Variants in KIRREL1 observed in about 807,000 individuals in gnomAD.
KIRREL1 encodes the protein kirre like nephrin family adhesion molecule 1, also known as kin of IRRE-like protein 1.
KIRREL1 carries 25 observed loss-of-function variants against 83.3 expected under a neutral mutation model. The ratio of observed to expected loss-of-function variants is 0.30; its 90% CI spans 0.22 to 0.42. The LOEUF is 0.42. Among genes scored for constraint, KIRREL1 ranks in the 10% least tolerant of loss-of-function variants. KIRREL1 has a pLI of 1.00. For synonymous variants in KIRREL1, 388 were observed against 410.4 expected, an observed-to-expected ratio of 0.95 and a Z score of 0.66; for missense variants, 812 against 1,032.3, an observed-to-expected ratio of 0.79 and a Z score of 2.92.
intron 1 of KIRREL1, among the ~76,000 whole-genome samples, chr1:157,999,508 G>A (rs1358882892): frequency 6.6e-6 from 1 of 152,192 alleles, no homozygotes; most frequent in Non-Finnish European, 1.5e-5. Flanking sequence ...AGGGGTGGCA[G>A]TTGGTATGGA....
intron 1 of KIRREL1, among the ~76,000 whole-genome samples, chr1:158,010,879 TAAG>T (rs1659668460): frequency 6.6e-6 from 1 of 152,080 alleles, no homozygotes; most frequent in Non-Finnish European, 1.5e-5. Context: ...GGAGAAATTA[TAAG>T]AAGGGAAGGG....
intron 3 of KIRREL1, among the ~76,000 whole-genome samples, chr1:158,083,748 T>C (rs1661936458): frequency 6.6e-6 from 1 of 152,158 alleles, no homozygotes; most frequent in Non-Finnish European, 1.5e-5. Context: ...CTCCCAAGAC[T>C]ATGAGCTGTA....
intron 1 of KIRREL1, among the ~76,000 whole-genome samples, chr1:158,004,062 C>A (rs1375327946): frequency 6.6e-6 from 1 of 152,204 alleles, no homozygotes; most frequent in Non-Finnish European, 1.5e-5. Flanking sequence ...GTGGCAGAGT[C>A]AGCCTCTTTC....
chr1:158,053,195 G>A (rs1013245035), intron 1 of KIRREL1, among the ~76,000 whole-genome samples: 7 of 152,114 alleles, frequency 4.6e-5, no homozygotes, highest in Non-Finnish European at 2.9e-5. Flanking sequence ...TCACCTCTAC[G>A]TTCCTTGAGA....
chr1:158,090,859 T>C (rs939298941), intron 10 of KIRREL1, among the ~76,000 whole-genome samples: 1 of 152,160 alleles, frequency 6.6e-6, no homozygotes, highest in African/African-American at 2.4e-5. Context: ...GTTCTGTCAT[T>C]GTATAGATGA....
chr1:158,077,307 G>T (rs1661706968), intron 2 of KIRREL1, among the ~76,000 whole-genome samples: 1 of 152,156 alleles, frequency 6.6e-6, no homozygotes, highest in Non-Finnish European at 1.5e-5. Context: ...GGGAGAGAGA[G>T]TGAGATCAAT....
At chr1:158,040,453 G>A (rs1217951132) in intron 1 of KIRREL1, among the ~76,000 whole-genome samples, 1 of 152,214 alleles carries the variant, frequency 6.6e-6, no homozygotes. Flanking sequence ...CTCCAGCAAA[G>A]GTTTGATGGA....
chr1:158,077,964 T>G lies in KIRREL1; in HGVS notation c.203-27T>G, dbSNP rs753063809. On this transcript the variant is annotated intron_variant, in intron 2 of 14. Transcript: ENST00000359209. ...TGAGGATGTGTCCTTGTTTCAAGGT[T>G]GGGCCTCATTCTTTCTGTTTCTGCA... is the stretch of plus-strand genomic sequence containing the variant. The G allele has an allele frequency of 2.5e-5, 41 of 1,612,460 alleles. 1 individual carries two copies. Among genetic ancestry groups the G allele is most frequent in the South Asian group, 1.6e-4 (15 of 91,038 alleles).
intron 1 of KIRREL1, among the ~76,000 whole-genome samples, chr1:158,047,545 T>C (rs1660807474): frequency 1.3e-5 from 2 of 152,308 alleles, no homozygotes; most frequent in South Asian, 2.1e-4. Flanking sequence ...GGCTAGGCCA[T>C]GTAGATGCAG....
intron 1 of KIRREL1, among the ~76,000 whole-genome samples, chr1:158,042,512 C>T (rs1303436850): frequency 2.0e-5 from 3 of 152,120 alleles, no homozygotes; most frequent in Admixed American, 2.0e-4. Context: ...CCAGTCCCTC[C>T]CTTGCAGAGC....
intron 1 of KIRREL1, among the ~76,000 whole-genome samples, chr1:158,021,092 C>T (rs1363209417): frequency 6.6e-6 from 1 of 151,970 alleles, no homozygotes; most frequent in Non-Finnish European, 1.5e-5. Flanking sequence ...TAAAAATGGC[C>T]AATGTGGGCT....
chr1:158,029,366 T>TGTGTGTGTGCGCGC (rs1553238087), intron 1 of KIRREL1, among the ~76,000 whole-genome samples: 271 of 149,004 alleles, frequency 1.8e-3, no homozygotes, highest in African/African-American at 6.3e-3. Flanking sequence ...TGTGTGTGTG[T>TGTGTGTGTGCGCGC]GCACGTGCGC....
Position 158,076,112 on chromosome 1 carries a change from G to A in KIRREL1, c.53-1G>A. The A allele has an allele frequency of 6.2e-7, 1 of 1,613,492 alleles. No individual in the cohort carries two copies. Among genetic ancestry groups the A allele is most frequent in the Non-Finnish European group, 8.5e-7 (1 of 1,179,756 alleles). On this transcript the variant is annotated splice_acceptor_variant, in intron 1 of 14. Coordinates refer to ENST00000359209, the MANE Select transcript of KIRREL1 (RefSeq NM_018240.7). LOFTEE classifies it high-confidence loss of function. ...ACCCAGTGCTGGCTTTGGCTTTGCA[G>A]GGACCCAGACCCGCTTCAGCCAGGA...
chr1:158,071,323 G>A (rs879261116), intron 1 of KIRREL1, among the ~76,000 whole-genome samples: 2 of 152,104 alleles, frequency 1.3e-5, no homozygotes, highest in Non-Finnish European at 2.9e-5. Flanking sequence ...CGTTGTCTAC[G>A]CCTCTGTCAG....
intron 1 of KIRREL1, among the ~76,000 whole-genome samples, chr1:158,021,815 G>C (rs943677567): frequency 1.3e-5 from 2 of 152,116 alleles, no homozygotes; most frequent in Non-Finnish European, 1.5e-5. Context: ...AAAGAAAATT[G>C]TGCCTATACT....
intron 1 of KIRREL1, among the ~76,000 whole-genome samples, chr1:158,010,114 A>G (rs564573687): frequency 6.6e-6 from 1 of 152,172 alleles, no homozygotes; most frequent in Admixed American, 6.5e-5. Context: ...ATCCGGTAAG[A>G]GTTCATGAAA....
chr1:158,084,209 A>C (rs1431604392), intron 3 of KIRREL1, among the ~76,000 whole-genome samples: 1 of 152,190 alleles, frequency 6.6e-6, no homozygotes, highest in East Asian at 1.9e-4. Context: ...AAAGAAAAGC[A>C]GACAAGGACT....
intron 1 of KIRREL1, among the ~76,000 whole-genome samples, chr1:158,038,734 G>A (rs1660543194): frequency 1.3e-5 from 2 of 152,100 alleles, no homozygotes; most frequent in Non-Finnish European, 2.9e-5. Flanking sequence ...GGTTCCAAAG[G>A]GTCTGAGGAG....
chr1:158,089,326 C>A, intron 8 of KIRREL1, 176 bp from the exon 9 acceptor site: 1 of 886,500 alleles, frequency 1.1e-6, no homozygotes, highest in Non-Finnish European at 1.7e-6. Context: ...TGTTTACGTG[C>A]CAACCTGTGT....
Sources: allele counts gnomAD v4.1 joint callset (sites outside exome capture counted in the v4.1 genomes callset), GRCh38; gene constraint gnomAD v4.1.1; transcripts MANE v1.5; gene names NCBI Gene and HGNC (gene_info 2026-07-23, HGNC 2026-07-21).